ZNF787: variants seen among roughly 807,000 people sequenced by gnomAD.
ZNF787 encodes TTF-I-interacting peptide 20.
Under a neutral mutation model 16.9 loss-of-function variants are expected in ZNF787, and 7 were observed. The ratio of observed to expected loss-of-function variants is 0.42; its 90% CI spans 0.24 to 0.78. The LOEUF (loss-of-function observed/expected upper bound fraction) is 0.78. ZNF787 is among the 30% of genes least tolerant of loss of function. ZNF787 has a pLI of 0.30. For missense variants in ZNF787, 551 were observed against 589.3 expected (o/e 0.94, Z 0.67); for synonymous variants, 345 against 270.9 (o/e 1.27, Z -2.69).
chr19:56,103,582 CAT>C, intron 1 of ZNF787: 1 of 286,250 alleles, frequency 3.5e-6, no homozygotes, highest in East Asian at 6.3e-5. Context: ...AGATGGAGAA[CAT>C]GTTACTGTCA....
intron 1 of ZNF787, among the ~76,000 whole-genome samples, chr19:56,120,600 C>CA (rs1213213918): frequency 6.6e-6 from 1 of 152,062 alleles, no homozygotes; most frequent in East Asian, 1.9e-4. Context: ...CCCGGGGCAG[C>CA]AACGGGACCC....
intron 1 of ZNF787, among the ~76,000 whole-genome samples, chr19:56,104,448 G>A (rs530083997): frequency 1.2e-3 from 123 of 101,926 alleles, no homozygotes; most frequent in African/African-American, 4.3e-3. Flanking sequence ...CCCTACGCAC[G>A]CCGCCGACCC....
chr19:56,107,783 T>G (rs1351360142), intron 1 of ZNF787, among the ~76,000 whole-genome samples: 7 of 133,566 alleles, frequency 5.2e-5, no homozygotes, highest in African/African-American at 5.8e-5. Context: ...ATGGGCAGCG[T>G]GGAGGGGAGG....
chr19:56,091,064 C>G (rs189596032), intron 2 of ZNF787, among the ~76,000 whole-genome samples: 1 of 152,140 alleles, frequency 6.6e-6, no homozygotes, highest in African/African-American at 2.4e-5. Flanking sequence ...GAGCCCACTG[C>G]GTTGTCAACA....
At chr19:56,109,186 A>C (rs1213421051) in intron 1 of ZNF787, among the ~76,000 whole-genome samples, 2 of 152,176 alleles carry the variant, frequency 1.3e-5, no homozygotes, top group Non-Finnish European at 2.9e-5. Context: ...TAAGGGAAAA[A>C]GCCTAAAGGG....
At chr19:56,115,516 G>A (rs1014686036) in intron 1 of ZNF787, among the ~76,000 whole-genome samples, 70 of 151,968 alleles carry the variant, frequency 4.6e-4, no homozygotes, top group African/African-American at 1.5e-3. Context: ...CCACCACCAC[G>A]CCCGGCTAAC....
At chr19:56,106,938 C>A (rs191029099) in intron 1 of ZNF787, among the ~76,000 whole-genome samples, 16 of 152,364 alleles carry the variant, frequency 1.1e-4, no homozygotes, top group African/African-American at 3.6e-4. Context: ...TCACCACTAT[C>A]CAGGTACAGA....
intron 1 of ZNF787, among the ~76,000 whole-genome samples, chr19:56,111,593 G>A (rs372254385): frequency 2.6e-5 from 4 of 152,260 alleles, no homozygotes; most frequent in African/African-American, 4.8e-5. Context: ...AGCAGAGGAG[G>A]GGTAAGGGGT....
At chr19:56,091,820 G>A (rs376943637) in intron 2 of ZNF787, among the ~76,000 whole-genome samples, 4 of 152,176 alleles carry the variant, frequency 2.6e-5, no homozygotes, top group African/African-American at 7.2e-5. Context: ...AGGAAACCGC[G>A]CTTCACAGGC....
intron 1 of ZNF787, among the ~76,000 whole-genome samples, chr19:56,111,305 G>A (rs1341900710): frequency 1.3e-5 from 2 of 152,084 alleles, no homozygotes; most frequent in Non-Finnish European, 2.9e-5. Flanking sequence ...GCAGCTGGGA[G>A]GGAGGCCCAG....
At chr19:56,089,123 T>G in intron 2 of ZNF787, 31 bp from the exon 3 acceptor site, 3 of 1,364,100 alleles carry the variant, frequency 2.2e-6, no homozygotes, top group South Asian at 1.6e-5. Flanking sequence ...GGGAGGTGAG[T>G]CAAGAGAGGC....
At chr19:56,093,104 C>A (rs1299865113) in intron 2 of ZNF787, among the ~76,000 whole-genome samples, 2 of 150,434 alleles carry the variant, frequency 1.3e-5, no homozygotes, top group African/African-American at 2.5e-5. Flanking sequence ...TCCATAGACA[C>A]AGGGGATGGC....
intron 2 of ZNF787, among the ~76,000 whole-genome samples, chr19:56,096,691 C>T (rs1201570002): frequency 6.6e-6 from 1 of 151,936 alleles, no homozygotes; most frequent in East Asian, 1.9e-4. Context: ...CCAGCCTGGG[C>T]AACAGAGTGA....
At chr19:56,102,971 C>G in intron 2 of ZNF787, 168 bp downstream of exon 2, 1 of 744,008 alleles carries the variant, frequency 1.3e-6, no homozygotes, top group Non-Finnish European at 2.4e-6. Context: ...CCTCCCTCTA[C>G]AGCCAGGAGT....
In ZNF787 at chr19:56,088,009, C is replaced by T. The variant is rs1018464989; in HGVS notation, c.*14G>A. ...CCGAGGGGCCCTGCCCGCCCCCCCC[C>T]CCGGGCCCCTCCCCTACCGGCCCTC... On this transcript the variant is annotated 3_prime_UTR_variant, in exon 3 of 3. Transcript: ENST00000610935. This position sits in a 1 kb window ranked among gnomAD's most constrained non-coding sequence, Gnocchi z 8.6. 5 of 1,211,644 alleles carry T rather than the reference C, an allele frequency of 4.1e-6. No individual in the cohort carries two copies. The highest frequency in any genetic ancestry group is 3.3e-4 in the Middle Eastern group (1 of 3,022). The allele number at this position is 1,211,644 out of a possible 1,614,324, so 75.1% of individuals were successfully genotyped here.
chr19:56,118,098 C>T (rs1040753817), intron 1 of ZNF787, among the ~76,000 whole-genome samples: 2 of 152,254 alleles, frequency 1.3e-5, no homozygotes, highest in Admixed American at 6.5e-5. Flanking sequence ...GGGCTCAGAG[C>T]TTGGGCTGGT....
chr19:56,105,856 G>A (rs1170009505), intron 1 of ZNF787, among the ~76,000 whole-genome samples: 1 of 151,848 alleles, frequency 6.6e-6, no homozygotes, highest in African/African-American at 2.4e-5. Flanking sequence ...AAAAGCCCGC[G>A]CGCCCACGGC....
intron 2 of ZNF787, 153 bp downstream of exon 2, chr19:56,102,986 G>A: frequency 1.3e-6 from 1 of 776,080 alleles, no homozygotes; most frequent in South Asian, 1.4e-5. Context: ...AGGAGTGCAA[G>A]GCCCAGGGCG....
At chr19:56,117,498 A>C (rs1437272787) in intron 1 of ZNF787, among the ~76,000 whole-genome samples, 1 of 152,238 alleles carries the variant, frequency 6.6e-6, no homozygotes, top group Admixed American at 6.5e-5. Flanking sequence ...TCACACAGCC[A>C]CAGCGAGGCT....
Sources: gnomAD v4.1 joint callset for allele counts (sites outside exome capture counted in the v4.1 genomes callset) on GRCh38, gnomAD v4.1.1 for gene constraint, Gnocchi (gnomAD v3.1) non-coding constraint, MANE v1.5 for transcripts, NCBI Gene and HGNC (gene_info 2026-07-23, HGNC 2026-07-21) for gene names.